The following SMIM20 variants were observed in gnomAD, a reference collection of about 807,000 sequenced individuals.
SMIM20 encodes the protein small integral membrane protein 20.
Under a neutral mutation model 8.7 loss-of-function variants are expected in SMIM20, and 3 were observed. The observed-to-expected ratio is 0.34, with a 90% CI of 0.16 to 0.89. SMIM20 has a LOEUF of 0.89. SMIM20 is among the 40% of genes least tolerant of loss of function. SMIM20 has a pLI of 0.49. For missense variants in SMIM20, 85 were observed against 84.8 expected (o/e 1.00, Z -0.01); for synonymous variants, 44 against 33.6 (o/e 1.31, Z -1.07).
At chr4:25,927,615 G>A (rs1711538770) in intron 1 of SMIM20, among the ~76,000 whole-genome samples, 1 of 152,160 alleles carries the variant, frequency 6.6e-6, no homozygotes, top group Admixed American at 6.5e-5. Flanking sequence ...ATAACTCTTT[G>A]TTTTTACAGA....
chr4:25,915,031 C>A (rs1257454313), intron 1 of SMIM20, among the ~76,000 whole-genome samples: 1 of 152,180 alleles, frequency 6.6e-6, no homozygotes, highest in Non-Finnish European at 1.5e-5. Flanking sequence ...GCTTTTACTG[C>A]ACTTCATTTC....
At chr4:25,924,474 A>AAAAT (rs1313672332) in intron 1 of SMIM20, among the ~76,000 whole-genome samples, 1 of 152,174 alleles carries the variant, frequency 6.6e-6, no homozygotes, top group Admixed American at 6.5e-5. Flanking sequence ...TCTTTCTCAA[A>AAAAT]AAATAAATAA....
chr4:25,927,553 C>T (rs755120302), intron 1 of SMIM20, among the ~76,000 whole-genome samples: 1 of 152,216 alleles, frequency 6.6e-6, no homozygotes, highest in Admixed American at 6.5e-5. Flanking sequence ...TCCTTTGGCT[C>T]TAAGGCTTTC....
intron 1 of SMIM20, chr4:25,928,066 G>A: frequency 2.8e-6 from 1 of 352,824 alleles, no homozygotes; most frequent in Non-Finnish European, 5.1e-6. Context: ...ACAGAGAAGA[G>A]ATGTTAGTTG....
At position 25,928,350 on chromosome 4, in the gene SMIM20, A is replaced by G; in HGVS notation, c.147A>G (p.Gln49=). ...CTATAAATCGGGCTGGAATTGTTCAAGAGGATGTGCAGCCACCAGGTAAAC... is the reference window on the plus strand; with the variant it reads ...CTATAAATCGGGCTGGAATTGTTCAGGAGGATGTGCAGCCACCAGGTAAAC... ...EQAINRAGIV[Q]EDVQPPGLKV... is the part of the protein sequence containing the mutation. Residue 49 remains glutamine (Q), a synonymous_variant, in exon 2 of 3, where the codon CAA becomes CAG. Transcript: ENST00000506197. 1 of 1,550,626 alleles carries G rather than the reference A, an allele frequency of 6.4e-7. No individual in the cohort carries two copies. Among genetic ancestry groups the G allele is most frequent in the Non-Finnish European group, 8.7e-7 (1 of 1,146,570 alleles).
chr4:25,928,441 G>A (rs753655488), intron 2 of SMIM20, 72 bp downstream of exon 2: 101 of 1,462,918 alleles, frequency 6.9e-5, no homozygotes, highest in Non-Finnish European at 9.2e-5. Context: ...GTGTGTGTTT[G>A]CCTTGGCGTG....
chr4:25,918,234 G>T (rs1312263427), intron 1 of SMIM20, among the ~76,000 whole-genome samples: 1 of 151,844 alleles, frequency 6.6e-6, no homozygotes, highest in Non-Finnish European at 1.5e-5. Flanking sequence ...GAGCCACCGC[G>T]CCTGGCCCAG....
At chr4:25,915,577 T>C (rs1013816158) in intron 1 of SMIM20, among the ~76,000 whole-genome samples, 4 of 152,216 alleles carry the variant, frequency 2.6e-5, no homozygotes, top group Non-Finnish European at 5.9e-5. Flanking sequence ...AAATGGCCAC[T>C]GTGTTCTGCC....
chr4:25,914,980 G>C (rs993429263), intron 1 of SMIM20, among the ~76,000 whole-genome samples: 2 of 152,114 alleles, frequency 1.3e-5, no homozygotes, highest in African/African-American at 4.8e-5. Flanking sequence ...ATGGTGACTG[G>C]GGGAGCCAGA....
chr4:25,914,379 C>G lies in SMIM20; in HGVS notation c.66C>G (p.Phe22Leu), dbSNP rs1450021898. 1 of 1,543,656 alleles carries G rather than the reference C, an allele frequency of 6.5e-7. No individual in the cohort carries two copies. ...GGFISLIGAA[F>L]YPIYFRPLMR... Reference sequence around the variant, plus strand: ...TCATCTCCCTGATCGGCGCCGCCTTCTATCCCATCTACTTCCGGCCCCTAA... The same window carrying G: ...TCATCTCCCTGATCGGCGCCGCCTTGTATCCCATCTACTTCCGGCCCCTAA... Residue 22 changes from phenylalanine (F) to leucine (L), a missense_variant, in exon 1 of 3, where the codon TTC becomes TTG. By Grantham distance (22) the Phe-to-Leu change is conservative. Transcript: ENST00000506197.
At chr4:25,928,245 T>G in intron 1 of SMIM20, 68 bp from the exon 2 acceptor site, 2 of 1,469,974 alleles carry the variant, frequency 1.4e-6, no homozygotes, top group Non-Finnish European at 1.8e-6. Flanking sequence ...CATTGGCCCA[T>G]GTAAATACAA....
At position 25,925,991 on chromosome 4, in the gene SMIM20, A is replaced by G. The variant is rs535968107; in HGVS notation, c.110-2322A>G. Among the ~76,000 whole-genome samples the G allele has an allele frequency of 6.6e-5, 10 of 152,298 alleles. No individual in the cohort carries two copies. In the East Asian group the frequency reaches 1.9e-3, roughly 29 times the overall value. ...GGGGCAGAGTCGGGCTTGCTGAGAC[A>G]CTGGAGTGGGGAGTTTTTTAACCCG... On this transcript the variant is annotated intron_variant, in intron 1 of 2. Transcript: ENST00000506197.
At chr4:25,923,133 C>T (rs563872265) in intron 1 of SMIM20, among the ~76,000 whole-genome samples, 1 of 152,254 alleles carries the variant, frequency 6.6e-6, no homozygotes, top group Non-Finnish European at 1.5e-5. Context: ...GTCAGTGACC[C>T]AAAACCAGAA....
At chr4:25,928,273 C>T in intron 1 of SMIM20, 40 bp from the exon 2 acceptor site, 1 of 1,538,850 alleles carries the variant, frequency 6.5e-7, no homozygotes, top group Non-Finnish European at 8.8e-7. Flanking sequence ...TCTCTCCCCG[C>T]CCCCCTTCTA....
At chr4:25,926,016 G>C (rs115059876) in intron 1 of SMIM20, among the ~76,000 whole-genome samples, 2 of 152,208 alleles carry the variant, frequency 1.3e-5, no homozygotes, top group Admixed American at 6.5e-5. Flanking sequence ...TTTTTAACCC[G>C]GTGTGCCATA....
At chr4:25,916,827 G>A (rs1719101033) in intron 1 of SMIM20, among the ~76,000 whole-genome samples, 1 of 152,216 alleles carries the variant, frequency 6.6e-6, no homozygotes, top group Non-Finnish European at 1.5e-5. Flanking sequence ...AAGTGCTAGT[G>A]TTACAAACTG....
Position 25,914,376 on chromosome 4 carries a change from C to T in SMIM20, c.63C>T (p.Ala21=), listed in dbSNP as rs1719036957. The T allele has an allele frequency of 6.5e-7, 1 of 1,546,094 alleles. No individual in the cohort carries two copies. Among genetic ancestry groups the T allele is most frequent in the Non-Finnish European group, 8.7e-7 (1 of 1,143,748 alleles). ...GCTTCATCTCCCTGATCGGCGCCGC[C>T]TTCTATCCCATCTACTTCCGGCCCC... ...FGGFISLIGA[A]FYPIYFRPLM... Residue 21 remains alanine, a synonymous_variant, in exon 1 of 3, where the codon GCC becomes GCT. Coordinates refer to ENST00000506197, the MANE Select transcript of SMIM20 (RefSeq NM_001145432.3).
rs1467443943 is a variant in SMIM20 at position 25,929,702 on chromosome 4, C to T, written c.*511C>T. 2 of 152,554 alleles carry T rather than the reference C, an allele frequency of 1.3e-5. No individual in the cohort carries two copies. The highest frequency in any genetic ancestry group is 2.4e-5 in the African/African-American group (1 of 41,416). 9.5% of individuals were successfully genotyped at this position (152,554 alleles called of 1,614,324 possible). A position where few individuals can be genotyped will look rare whatever the true frequency, so the allele number is the denominator to read the frequency against. On this transcript the variant is annotated 3_prime_UTR_variant, in exon 3 of 3. Coordinates refer to ENST00000506197, the MANE Select transcript of SMIM20 (RefSeq NM_001145432.3). ...GTGCACCTCATGCTGAAGATTGCAC[C>T]GTGTTGGAAAATAAATATGAAGCAA...
intron 1 of SMIM20, among the ~76,000 whole-genome samples, chr4:25,923,036 C>A (rs1289366006): frequency 6.6e-6 from 1 of 152,208 alleles, no homozygotes; most frequent in Non-Finnish European, 1.5e-5. Flanking sequence ...GCAAGGCTTT[C>A]CTAAGTGTTA....
Sources: allele counts gnomAD v4.1 joint callset (sites outside exome capture counted in the v4.1 genomes callset), GRCh38; gene constraint gnomAD v4.1.1; transcripts MANE v1.5; gene names NCBI Gene and HGNC (gene_info 2026-07-23, HGNC 2026-07-21).